The following STYXL2 variants were observed in gnomAD, a reference collection of about 807,000 sequenced individuals.
STYXL2 encodes the protein serine/threonine/tyrosine interacting like 2.
In STYXL2, 44 loss-of-function variants were observed where a neutral mutation model predicts 52.4. The observed-to-expected ratio is 0.84, with a 90% CI of 0.66 to 1.08. STYXL2 has a LOEUF of 1.08. Ranked by LOEUF, STYXL2 falls within the 50% of genes least tolerant of loss-of-function variation. STYXL2 has a pLI of 0.00. For synonymous variants in STYXL2, 604 were observed against 586.9 expected, an observed-to-expected ratio of 1.03 and a Z score of -0.42; for missense variants, 1,604 against 1,471.7, an observed-to-expected ratio of 1.09 and a Z score of -1.47.
chr1:167,108,144 G>A (rs546351580), intron 2 of STYXL2, among the ~76,000 whole-genome samples: 5 of 152,212 alleles, frequency 3.3e-5, no homozygotes, highest in African/African-American at 1.2e-4. Flanking sequence ...TGGACACCTG[G>A]CCCAGCCTTA....
intron 5 of STYXL2, among the ~76,000 whole-genome samples, chr1:167,121,334 T>C (rs1321112292): frequency 1.3e-5 from 2 of 152,178 alleles, no homozygotes; most frequent in African/African-American, 2.4e-5. Context: ...TTTTAAAATG[T>C]AGGACGTTTG....
At chr1:167,105,313 G>A (rs1667488116) in intron 2 of STYXL2, among the ~76,000 whole-genome samples, 1 of 152,216 alleles carries the variant, frequency 6.6e-6, no homozygotes. Flanking sequence ...CTTTTGGTTA[G>A]GAAGTCCATC....
At chr1:167,094,650 A>G (rs1195678007) in intron 1 of STYXL2, among the ~76,000 whole-genome samples, 184 bp from the exon 2 acceptor site, 1 of 151,718 alleles carries the variant, frequency 6.6e-6, no homozygotes, top group African/African-American at 2.4e-5. Context: ...GGCGGGGTGC[A>G]CTTCTTGGTG....
In STYXL2 at chr1:167,127,850, C is replaced by T. The variant is rs142014171; in HGVS notation, c.2719C>T (p.Pro907Ser). 2.5e-6 allele frequency: 4 copies of T among 1,613,736 alleles called. No homozygotes were observed. The highest frequency in any genetic ancestry group is 2.7e-5 in the African/African-American group (2 of 74,880). ...TTCTTCCCGCAGTAATTCCCAGAAA[C>T]CTGAAACAGACACATGCTCCTCCCT... is the stretch of plus-strand genomic sequence containing the variant. ...RYSSRSNSQK[P>S]ETDTCSSLAV... Residue 907 changes from proline (P) to serine (S), a missense_variant, in exon 6 of 6, where the codon CCT (proline) becomes TCT (serine). By Grantham distance (74) the Pro-to-Ser change is moderately conservative. Transcript: ENST00000361200.
chr1:167,127,772 G>A lies in STYXL2; in HGVS notation c.2641G>A (p.Gly881Ser). Residue 881 changes from glycine (G) to serine (S), a missense_variant, in exon 6 of 6, where the codon GGT becomes AGT. Gly to Ser is a moderately conservative substitution (Grantham distance 56). Transcript: ENST00000361200. ...GAAGGTCAAGGAAGATGAGGATGAT[G>A]GTGTGGGTGATGGGGATGAGGACAC... ...KKKVKEDEDD[G>S]VGDGDEDTDS... 6.2e-7 allele frequency: 1 copy of A among 1,613,960 alleles called. No individual in the cohort carries two copies. The highest frequency in any genetic ancestry group is 8.5e-7 in the Non-Finnish European group (1 of 1,180,002).
chr1:167,094,685 G>A (rs1667243203), intron 1 of STYXL2, 149 bp from the exon 2 acceptor site: 1 of 617,314 alleles, frequency 1.6e-6, no homozygotes, highest in Non-Finnish European at 2.9e-6. Context: ...GCTGGGCCAG[G>A]TCTGACTGGA....
chr1:167,127,283 A>G lies in STYXL2; in HGVS notation c.2152A>G (p.Ile718Val). The G allele has an allele frequency of 1.9e-6, 3 of 1,614,176 alleles. No individual in the cohort carries two copies. The highest frequency in any genetic ancestry group is 1.6e-4 in the Middle Eastern group (1 of 6,062). ...CCTGCCAGTGGGGCCTGGAGACACC[A>G]TTTCCATTGCCAGTATCCAGAACTG... The part of the protein sequence containing the change: ...PNLPVGPGDT[I>V]SIASIQNWIA... Residue 718 changes from isoleucine to valine, a missense_variant, in exon 6 of 6, where the codon ATT becomes GTT. Transcript: ENST00000361200.
chr1:167,127,553 C>A lies in STYXL2; in HGVS notation c.2422C>A (p.Pro808Thr). ...VLSCNTTLSS[P>T]AESCRSKVRG... ...GTCCTGCAACACCACACTGAGCTCACCCGCGGAAAGTTGCAGAAGCAAAGT... is the reference window on the plus strand; with the variant it reads ...GTCCTGCAACACCACACTGAGCTCAACCGCGGAAAGTTGCAGAAGCAAAGT... The change falls in exon 6 of 6, where the codon CCC becomes ACC. Residue 808 changes from proline (P) to threonine (T), a missense_variant. Coordinates refer to ENST00000361200, the MANE Select transcript of STYXL2 (RefSeq NM_001080426.3). The A allele has an allele frequency of 6.2e-7, 1 of 1,614,048 alleles. No individual in the cohort carries two copies. The highest frequency in any genetic ancestry group is 8.5e-7 in the Non-Finnish European group (1 of 1,179,992).
At chr1:167,113,527 G>A (rs949259947) in intron 2 of STYXL2, among the ~76,000 whole-genome samples, 183 bp from the exon 3 acceptor site, 17 of 152,182 alleles carry the variant, frequency 1.1e-4, no homozygotes, top group Admixed American at 1.0e-3. Context: ...AAATGGGTGG[G>A]CATCTGAGTC....
At position 167,124,063 on chromosome 1, in the gene STYXL2, G is replaced by A. The variant is rs191775667; in HGVS notation, c.656-1724G>A. ...CTCCCAAGTAGCTGAGACTACAGGC[G>A]CTTGCCATGGTTTTTTGTTTTTGTT... is the stretch of plus-strand genomic sequence containing the variant. On this transcript the variant is annotated intron_variant, in intron 5 of 5. Coordinates refer to ENST00000361200, the MANE Select transcript of STYXL2 (RefSeq NM_001080426.3). Among the ~76,000 whole-genome samples the A allele has an allele frequency of 1.5e-4, 23 of 152,102 alleles. No homozygotes were observed. In the East Asian group the frequency reaches 3.3e-3, roughly 22 times the overall value.
At chr1:167,122,065 T>C (rs1336286770) in intron 5 of STYXL2, among the ~76,000 whole-genome samples, 2 of 152,090 alleles carry the variant, frequency 1.3e-5, no homozygotes, top group Admixed American at 1.3e-4. Context: ...AAAGAGCCTA[T>C]GAGGGGGTGT....
At chr1:167,102,190 C>T (rs1478413582) in intron 2 of STYXL2, among the ~76,000 whole-genome samples, 3 of 151,944 alleles carry the variant, frequency 2.0e-5, no homozygotes, top group African/African-American at 4.8e-5. Flanking sequence ...AAGGGGCACA[C>T]GGGATGATGT....
In STYXL2 at chr1:167,128,586, T is replaced by C. The variant is rs1399705537; in HGVS notation, c.3455T>C (p.Leu1152Pro). ...CGGCAAGAAGAAACCAGGACCAAGC[T>C]GCAGAAAAGGAGGGAGGACTGAGCT... ...RRRQEETRTK[L>P]QKRRED Residue 1152 changes from leucine (L) to proline (P), a missense_variant, in exon 6 of 6, where the codon CTG becomes CCG. Transcript: ENST00000361200. 1 of 1,612,608 alleles carries C rather than the reference T, an allele frequency of 6.2e-7. No individual in the cohort carries two copies. The highest frequency in any genetic ancestry group is 8.5e-7 in the Non-Finnish European group (1 of 1,179,816).
At chr1:167,117,296 T>A (rs1383084410) in intron 3 of STYXL2, 32 bp from the exon 4 acceptor site, 2 of 1,558,942 alleles carry the variant, frequency 1.3e-6, no homozygotes, top group East Asian at 2.4e-5. Flanking sequence ...TGTTCCTAAC[T>A]CTCTGATGAG....
chr1:167,102,204 C>G (rs1421848335), intron 2 of STYXL2, among the ~76,000 whole-genome samples: 2 of 151,868 alleles, frequency 1.3e-5, no homozygotes, highest in Non-Finnish European at 2.9e-5. Flanking sequence ...ATGATGTGAC[C>G]TTGGTTGCAG....
chr1:167,102,384 G>A (rs1159284689), intron 2 of STYXL2, among the ~76,000 whole-genome samples: 7 of 152,016 alleles, frequency 4.6e-5, no homozygotes, highest in Admixed American at 4.6e-4. Flanking sequence ...AAGTGGTGCA[G>A]TGGAGACCAA....
rs142086133 is a variant in STYXL2, at chr1:167,122,061, C to T, written c.655+2595C>T. On this transcript the variant is annotated intron_variant, in intron 5 of 5. Transcript: ENST00000361200. ...CGTTTTACATGATAATCACAAAGAG[C>T]CTATGAGGGGGTGTTGTTATTTACA... Among the ~76,000 whole-genome samples, 6 of 152,092 alleles carry T rather than the reference C, an allele frequency of 3.9e-5. No individual in the cohort carries two copies. The Middle Eastern group carries it at 0.01, about 259-fold the overall frequency.
intron 5 of STYXL2, among the ~76,000 whole-genome samples, chr1:167,122,525 A>G (rs1332372389): frequency 3.9e-5 from 6 of 152,198 alleles, no homozygotes; most frequent in African/African-American, 1.4e-4. Flanking sequence ...TACCTTCTGA[A>G]GAAAGGGGGA....
chr1:167,097,367 G>C (rs970782064), intron 2 of STYXL2, among the ~76,000 whole-genome samples: 7 of 152,206 alleles, frequency 4.6e-5, no homozygotes, highest in Non-Finnish European at 8.8e-5. Flanking sequence ...ATGTAGATTA[G>C]ACAAATCCAT....
Sources: allele counts gnomAD v4.1 joint callset (sites outside exome capture counted in the v4.1 genomes callset), GRCh38; gene constraint gnomAD v4.1.1; transcripts MANE v1.5; gene names NCBI Gene and HGNC (gene_info 2026-07-23, HGNC 2026-07-21).